Variants in KCNA2 observed in about 807,000 individuals in gnomAD.
KCNA2 encodes potassium channel, voltage gated shaker related subfamily A, member 2.
Under a neutral mutation model 33.4 loss-of-function variants are expected in KCNA2, and 11 were observed. The observed-to-expected ratio is 0.33, with a 90% CI of 0.21 to 0.55. KCNA2 has a LOEUF of 0.55. KCNA2 is among the 20% of genes least tolerant of loss of function. The pLI, the probability that KCNA2 is intolerant of heterozygous loss-of-function variation, is 0.93. For missense variants in KCNA2, 291 were observed against 621.6 expected (o/e 0.47, Z 5.66); for synonymous variants, 222 against 231.3 (o/e 0.96, Z 0.37).
At position 110,600,525 on chromosome 1, in the gene KCNA2, C is replaced by T. The variant is rs532072320; in HGVS notation, c.*2758G>A. 1.0e-6 allele frequency: 1 copy of T among 985,082 alleles called. No individual in the cohort carries two copies. The highest frequency in any genetic ancestry group is 1.7e-5 in the African/African-American group (1 of 57,210). 61.0% of individuals were successfully genotyped at this position (985,082 alleles called of 1,614,324 possible). ...CTTCTGTGTTTGCTTTTATGTTAAC[C>T]TGGTCTGTCTGTATTTTGCACGTTA... On this transcript the variant is annotated 3_prime_UTR_variant, in exon 3 of 3. Coordinates refer to ENST00000316361, the MANE Select transcript of KCNA2 (RefSeq NM_004974.4).
At position 110,604,365 on chromosome 1, in the gene KCNA2, G is replaced by A. The variant is rs1274493745; in HGVS notation, c.418C>T (p.Leu140=). The change falls in exon 3 of 3, where the codon CTG becomes TTG. Residue 140 remains leucine, a synonymous_variant. Coordinates refer to ENST00000316361, the MANE Select transcript of KCNA2 (RefSeq NM_004974.4). This position sits in a 1 kb window ranked among gnomAD's most constrained non-coding sequence, Gnocchi z 7.6. ...EGYIKEEERP[L]PENEFQRQVW... ...TGTCTCTGAAACTCATTTTCAGGCA[G>A]AGGACGCTCTTCCTCCTTGATGTAG... 1 of 1,612,400 alleles carries A rather than the reference G, an allele frequency of 6.2e-7. No homozygotes were observed. The highest frequency in any genetic ancestry group is 1.1e-5 in the South Asian group (1 of 90,960).
At position 110,600,364 on chromosome 1, in the gene KCNA2, T is replaced by C. The variant is rs534729933; in HGVS notation, c.*2919A>G. 4.1e-5 allele frequency: 40 copies of C among 984,882 alleles called. No individual in the cohort carries two copies. The highest frequency in any genetic ancestry group is 5.2e-4 in the Middle Eastern group (1 of 1,914). 61.0% of individuals were successfully genotyped at this position (984,882 alleles called of 1,614,324 possible). On this transcript the variant is annotated 3_prime_UTR_variant, in exon 3 of 3. Coordinates refer to ENST00000316361, the MANE Select transcript of KCNA2 (RefSeq NM_004974.4). ...TATATGCATATGCATTTTGTCCATG[T>C]AGTTTTTTATGTATTTTGCATCTGA...
Position 110,604,535 on chromosome 1 carries a change from G to C in KCNA2, c.248C>G (p.Pro83Arg). The C allele has an allele frequency of 6.2e-7, 1 of 1,614,210 alleles. No individual in the cohort carries two copies. The highest frequency in any genetic ancestry group is 8.5e-7 in the Non-Finnish European group (1 of 1,180,034). The stretch of plus-strand genomic sequence containing the variant: ...GTAGTACAAAATGGCATCAAAGCTA[G>C]GGCGGTTCCGATCGAAAAAGTACTC... ...RNEYFFDRNRPSFDAILYYYQ... is the reference protein window; with the variant it reads ...RNEYFFDRNRRSFDAILYYYQ... Residue 83 changes from proline to arginine, a missense_variant, in exon 3 of 3, where the codon CCT becomes CGT. By Grantham distance (103) the Pro-to-Arg change is moderately radical. Around this residue, in one of 5 missense-constraint regions of KCNA2, gnomAD observed 163 missense variants for 273.5 expected, o/e 0.60. Transcript: ENST00000316361. This position sits in a 1 kb window ranked among gnomAD's most constrained non-coding sequence, Gnocchi z 7.6.
intron 1 of KCNA2, among the ~76,000 whole-genome samples, chr1:110,628,068 C>T (rs1171318181): frequency 6.6e-6 from 1 of 152,098 alleles, no homozygotes; most frequent in South Asian, 2.1e-4. Context: ...CTGTTAACTC[C>T]CAAGTTAGTC....
At position 110,593,964 on chromosome 1, in the gene KCNA2, C is replaced by T; in HGVS notation, c.*9319G>A. The T allele has an allele frequency of 1.9e-6, 3 of 1,549,354 alleles. No individual in the cohort carries two copies. The highest frequency in any genetic ancestry group is 2.6e-6 in the Non-Finnish European group (3 of 1,146,480). Reference sequence around the variant, plus strand: ...AAGAAGCAAACAAATAGTTAAATGACTCCCAACTCCCATGAGTCTTCCCCG... The same window carrying T: ...AAGAAGCAAACAAATAGTTAAATGATTCCCAACTCCCATGAGTCTTCCCCG... On this transcript the variant is annotated 3_prime_UTR_variant, in exon 3 of 3. Transcript: ENST00000316361.
chr1:110,602,511 G>GT lies in KCNA2; in HGVS notation c.*771dup. 8.9e-7 allele frequency: 1 copy of GT among 1,126,054 alleles called. No homozygotes were observed. Among genetic ancestry groups the GT allele is most frequent in the Non-Finnish European group, 1.1e-6 (1 of 918,634 alleles). 69.8% of individuals were successfully genotyped at this position (1,126,054 alleles called of 1,614,324 possible). ...CAAACTCCAGTAAGAAACCAGACAT[G>GT]TTTTTGTGACCCTGGAGCCTGCAAA... is the stretch of plus-strand genomic sequence containing the variant. On this transcript the variant is annotated 3_prime_UTR_variant, in exon 3 of 3. Transcript: ENST00000316361.
rs1557730736 is a variant in KCNA2, at chr1:110,602,199, T to C, written c.*1084A>G. The C allele has an allele frequency of 3.2e-6, 5 of 1,549,314 alleles. No individual in the cohort carries two copies. The South Asian group carries it at 6.0e-5, about 18-fold the overall frequency. The stretch of plus-strand genomic sequence containing the variant: ...TTTAGAAGAACAGGGATAGGTAGGC[T>C]GGGGGGCCAGAAGTTTTAGTTCCAT... On this transcript the variant is annotated 3_prime_UTR_variant, in exon 3 of 3. Transcript: ENST00000316361.
At chr1:110,619,626 T>C (rs1458637540) in intron 1 of KCNA2, among the ~76,000 whole-genome samples, 1 of 152,068 alleles carries the variant, frequency 6.6e-6, no homozygotes, top group Non-Finnish European at 1.5e-5. Context: ...AGACCGGGAG[T>C]GGACAGCCAC....
In KCNA2 at chr1:110,602,730, C is replaced by T. The variant is rs929772719; in HGVS notation, c.*553G>A. On this transcript the variant is annotated 3_prime_UTR_variant, in exon 3 of 3. Transcript: ENST00000316361. Reference sequence around the variant, plus strand: ...CGTTATGAAACACAAGCCTCCAGAGCATCTACTTGGCAACTGCAATTCACA... The same window carrying T: ...CGTTATGAAACACAAGCCTCCAGAGTATCTACTTGGCAACTGCAATTCACA... 7 of 992,500 alleles carry T rather than the reference C, an allele frequency of 7.1e-6. No homozygotes were observed. The African/African-American group carries it at 1.2e-4, about 17-fold the overall frequency. The allele number at this position is 992,500 out of a possible 1,614,324, so 61.5% of individuals were successfully genotyped here. A position where few individuals can be genotyped will look rare whatever the true frequency, so the allele number is the denominator to read the frequency against.
rs529542829 is a variant in KCNA2, at chr1:110,593,758, T to G, written c.*9525A>C. 1 of 1,048,566 alleles carries G rather than the reference T, an allele frequency of 9.5e-7. No individual in the cohort carries two copies. The highest frequency in any genetic ancestry group is 1.6e-5 in the African/African-American group (1 of 62,284). The allele number at this position is 1,048,566 out of a possible 1,614,324, so 65.0% of individuals were successfully genotyped here. ...CAGGCAATGTTCATTGAGGCACATA[T>G]GTACACATATATGTATAACCTATGT... On this transcript the variant is annotated 3_prime_UTR_variant, in exon 3 of 3. Transcript: ENST00000316361.
At chr1:110,628,856 A>G (rs191372721) in intron 1 of KCNA2, among the ~76,000 whole-genome samples, 21 of 152,326 alleles carry the variant, frequency 1.4e-4, no homozygotes, top group Non-Finnish European at 4.4e-5. Context: ...TTGTGCTAAA[A>G]GTAGATACTA....
In KCNA2 at chr1:110,604,395, C is replaced by T; in HGVS notation, c.388G>A (p.Glu130Lys). 6.2e-7 allele frequency: 1 copy of T among 1,614,154 alleles called. No homozygotes were observed. Among genetic ancestry groups the T allele is most frequent in the Non-Finnish European group, 8.5e-7 (1 of 1,180,036 alleles). Reference sequence around the variant, plus strand: ...CGCTCTTCCTCCTTGATGTAGCCTTCATCTTCCCGAAACATCTCCATCGCT... The same window carrying T: ...CGCTCTTCCTCCTTGATGTAGCCTTTATCTTCCCGAAACATCTCCATCGCT... The part of the protein sequence containing the change: ...EEAMEMFRED[E>K]GYIKEEERPL... The change falls in exon 3 of 3, where the codon GAA becomes AAA. Residue 130 changes from glutamate (E) to lysine (K), a missense_variant. Physicochemically the swap from Glu to Lys is moderately conservative, Grantham distance 56. Around this residue, in one of 5 missense-constraint regions of KCNA2, gnomAD observed 163 missense variants for 273.5 expected, o/e 0.60. Transcript: ENST00000316361. This position sits in a 1 kb window ranked among gnomAD's most constrained non-coding sequence, Gnocchi z 7.6.
chr1:110,595,228 T>C lies in KCNA2; in HGVS notation c.*8055A>G, dbSNP rs1025422750. The C allele has an allele frequency of 2.0e-6, 2 of 985,458 alleles. No individual in the cohort carries two copies. The highest frequency in any genetic ancestry group is 1.7e-5 in the African/African-American group (1 of 57,364). The allele number at this position is 985,458 out of a possible 1,614,324, so 61.0% of individuals were successfully genotyped here. A position where few individuals can be genotyped will look rare whatever the true frequency, so the allele number is the denominator to read the frequency against. Reference sequence around the variant, plus strand: ...CCCTGTGCATCCATCAGTGGAATGATGCAGGGAGTTCTCAGCTGCAAACTC... The same window carrying C: ...CCCTGTGCATCCATCAGTGGAATGACGCAGGGAGTTCTCAGCTGCAAACTC... On this transcript the variant is annotated 3_prime_UTR_variant, in exon 3 of 3. Transcript: ENST00000316361.
intron 1 of KCNA2, among the ~76,000 whole-genome samples, chr1:110,623,913 C>T (rs1283680823): frequency 6.9e-6 from 1 of 145,088 alleles, no homozygotes; most frequent in Non-Finnish European, 1.5e-5. Context: ...ATGATCAGAA[C>T]AGTGAAGCCA....
rs1434183254 is a variant in KCNA2 at position 110,596,080 on chromosome 1, G to C, written c.*7203C>G. On this transcript the variant is annotated 3_prime_UTR_variant, in exon 3 of 3. Transcript: ENST00000316361. The stretch of plus-strand genomic sequence containing the variant: ...TTATCCCTGAGTCAGGCAGCCACCT[G>C]GGAGGGAAAGGAAAGAGGTGATCCT... 2 of 985,228 alleles carry C rather than the reference G, an allele frequency of 2.0e-6. No homozygotes were observed. The highest frequency in any genetic ancestry group is 1.2e-4 in the Admixed American group (2 of 16,260). 61.0% of individuals were successfully genotyped at this position (985,228 alleles called of 1,614,324 possible). A position where few individuals can be genotyped will look rare whatever the true frequency, so the allele number is the denominator to read the frequency against.
intron 1 of KCNA2, among the ~76,000 whole-genome samples, chr1:110,612,594 C>T (rs1251975287): frequency 6.6e-6 from 1 of 152,204 alleles, no homozygotes; most frequent in African/African-American, 2.4e-5. Flanking sequence ...GTCTGGGTCA[C>T]TGCAACCCCT....
chr1:110,613,782 TC>T lies in KCNA2; in HGVS notation c.-495-8061del, dbSNP rs1171711795. ...ATCTTGTTCAGGGTCACCCAGCCAGTCCAGGCAAGAACCACGGTTTGAACTC... is the reference window on the plus strand; with the variant it reads ...ATCTTGTTCAGGGTCACCCAGCCAGTCAGGCAAGAACCACGGTTTGAACTC... On this transcript the variant is annotated intron_variant, in intron 1 of 4. Coordinates refer to the KCNA2 transcript ENST00000369770. Among the ~76,000 whole-genome samples, 6 of 152,250 alleles carry T rather than the reference TC, an allele frequency of 3.9e-5. No homozygotes were observed. In the East Asian group the frequency reaches 9.7e-4, roughly 24 times the overall value.
chr1:110,624,008 G>A (rs1451064627), intron 1 of KCNA2, among the ~76,000 whole-genome samples: 1 of 152,056 alleles, frequency 6.6e-6, no homozygotes, highest in African/African-American at 2.4e-5. Flanking sequence ...ATCTGTTGGT[G>A]AGAATAGGGA....
chr1:110,604,813 T>A lies in KCNA2; in HGVS notation c.-31A>T, dbSNP rs558847838. ...GGACTGAGAGAAGCACCTCACGCTA[T>A]GCCTTTCAGCTGCCTGGTGGCAGGG... On this transcript the variant is annotated 5_prime_UTR_variant, in exon 3 of 3. Coordinates refer to ENST00000316361, the MANE Select transcript of KCNA2 (RefSeq NM_004974.4). The surrounding 1 kb of genome is among the most constrained non-coding windows in gnomAD (Gnocchi z 7.6). 608 of 1,578,532 alleles carry A rather than the reference T, an allele frequency of 3.9e-4. 9 individuals carry two copies. In the South Asian group the frequency reaches 6.8e-3, roughly 18 times the overall value.
Sources: gnomAD v4.1 joint callset for allele counts (sites outside exome capture counted in the v4.1 genomes callset) on GRCh38, gnomAD v4.1.1 for gene constraint, gnomAD v4.1.1 regional missense constraint, Gnocchi (gnomAD v3.1) non-coding constraint, MANE v1.5 for transcripts, NCBI Gene and HGNC (gene_info 2026-07-23, HGNC 2026-07-21) for gene names.